The following ENTREP2 variants were observed in gnomAD, a reference collection of about 807,000 sequenced individuals.
ENTREP2 encodes protein ENTREP2.
At chr15:29,284,575 C>CAAAAAAA in the ENTREP2 span, among the ~76,000 whole-genome samples, 1 of 132,334 alleles carries the variant, frequency 7.6e-6, no homozygotes, top group African/African-American at 2.9e-5. Flanking sequence ...AAAAAAAAAC[C>CAAAAAAA]AAAAATAAAT....
chr15:29,341,591 G>C, the ENTREP2 span, among the ~76,000 whole-genome samples: 1 of 152,170 alleles, frequency 6.6e-6, no homozygotes. Context: ...TCCAGGTGCC[G>C]CGCAGACAGG....
At chr15:29,380,156 T>C in the ENTREP2 span, among the ~76,000 whole-genome samples, 1 of 152,196 alleles carries the variant, frequency 6.6e-6, no homozygotes, top group African/African-American at 2.4e-5. Flanking sequence ...CAGGGGTTCA[T>C]GACAGCAGTC....
the ENTREP2 span, among the ~76,000 whole-genome samples, chr15:29,577,511 G>A: frequency 1.3e-5 from 2 of 151,996 alleles, no homozygotes; most frequent in African/African-American, 4.8e-5. Flanking sequence ...GCACCACCGT[G>A]CCTGACTAAT....
chr15:29,467,666 T>C, the ENTREP2 span, among the ~76,000 whole-genome samples: 8 of 152,268 alleles, frequency 5.3e-5, no homozygotes, highest in African/African-American at 1.9e-4. Flanking sequence ...CCCCCTGCTT[T>C]CATCACATCA....
chr15:29,472,360 T>C, the ENTREP2 span, among the ~76,000 whole-genome samples: 1 of 151,734 alleles, frequency 6.6e-6, no homozygotes, highest in Non-Finnish European at 1.5e-5. Flanking sequence ...CATGATGAAC[T>C]GTTCAGACAA....
chr15:29,624,525 C>CT, the ENTREP2 span, among the ~76,000 whole-genome samples: 1 of 152,206 alleles, frequency 6.6e-6, no homozygotes, highest in Non-Finnish European at 1.5e-5. Context: ...AAATGCCACT[C>CT]TGTCTCCAAC....
chr15:29,473,647 AAT>A, the ENTREP2 span, among the ~76,000 whole-genome samples: 4 of 152,328 alleles, frequency 2.6e-5, 1 homozygote, highest in Admixed American at 2.6e-4. Context: ...TGAACAGAAA[AAT>A]ATGTTTTTGA....
chr15:29,340,665 T>C, the ENTREP2 span, among the ~76,000 whole-genome samples: 1 of 152,352 alleles, frequency 6.6e-6, no homozygotes, highest in South Asian at 2.1e-4. Flanking sequence ...CCAATTATCG[T>C]AGGAAGCTTC....
chr15:29,290,024 A>G, the ENTREP2 span, among the ~76,000 whole-genome samples: 1 of 152,212 alleles, frequency 6.6e-6, no homozygotes, highest in Non-Finnish European at 1.5e-5. Context: ...ATGCGGCAAC[A>G]TGAATGGATC....
chr15:29,594,695 G>A, the ENTREP2 span, among the ~76,000 whole-genome samples: 1 of 152,216 alleles, frequency 6.6e-6, no homozygotes, highest in African/African-American at 2.4e-5. Flanking sequence ...GGGCACAGTA[G>A]CTCACGCCTG....
At chr15:29,574,900 C>T in the ENTREP2 span, among the ~76,000 whole-genome samples, 1 of 152,262 alleles carries the variant, frequency 6.6e-6, no homozygotes, top group Admixed American at 6.5e-5. Flanking sequence ...AGCTACTTCT[C>T]CTACTAAAGA....
chr15:29,463,972 G>C, the ENTREP2 span, among the ~76,000 whole-genome samples: 1 of 152,172 alleles, frequency 6.6e-6, no homozygotes, highest in Non-Finnish European at 1.5e-5. Context: ...GACACATACT[G>C]CAAGATGCCA....
chr15:29,311,636 G>A, the ENTREP2 span, among the ~76,000 whole-genome samples: 2 of 152,178 alleles, frequency 1.3e-5, no homozygotes, highest in Non-Finnish European at 2.9e-5. Context: ...GTTGCAGTGA[G>A]CTGAGATCGT....
the ENTREP2 span, among the ~76,000 whole-genome samples, chr15:29,548,260 C>A: frequency 6.6e-6 from 1 of 151,980 alleles, no homozygotes; most frequent in Non-Finnish European, 1.5e-5. Context: ...TCAAGACCAG[C>A]CTGGTCAATA....
chr15:29,254,772 G>T, the ENTREP2 span, among the ~76,000 whole-genome samples: 1 of 152,158 alleles, frequency 6.6e-6, no homozygotes, highest in Non-Finnish European at 1.5e-5. Flanking sequence ...CAGGAGAATT[G>T]CTTGAACCCA....
chr15:29,409,655 G>T, the ENTREP2 span, among the ~76,000 whole-genome samples: 1 of 149,988 alleles, frequency 6.7e-6, no homozygotes, highest in Admixed American at 6.6e-5. Flanking sequence ...TAAAGACAGG[G>T]TCTCACCGTG....
chr15:29,420,269 G>C, the ENTREP2 span, among the ~76,000 whole-genome samples: 5 of 152,172 alleles, frequency 3.3e-5, no homozygotes, highest in Non-Finnish European at 7.4e-5. Context: ...TTTCTTAAAA[G>C]GTTATGTGGG....
the ENTREP2 span, chr15:29,267,537 C>T: frequency 6.6e-6 from 1 of 152,080 alleles, no homozygotes; most frequent in Non-Finnish European, 1.5e-5. Flanking sequence ...GCCAGACAGC[C>T]CCAAGACCCA....
chr15:29,253,262 T>A, the ENTREP2 span, among the ~76,000 whole-genome samples: 1 of 152,144 alleles, frequency 6.6e-6, no homozygotes, highest in Non-Finnish European at 1.5e-5. Context: ...CCCATCCACT[T>A]TTTCCTCTGT....
Sources: allele counts gnomAD v4.1 joint callset (sites outside exome capture counted in the v4.1 genomes callset), GRCh38; gene constraint gnomAD v4.1.1; transcripts MANE v1.5; gene names NCBI Gene and HGNC (gene_info 2026-07-23, HGNC 2026-07-21).